ROBO2: variants seen among roughly 807,000 people sequenced by gnomAD.
The protein encoded by ROBO2 is roundabout homolog 2.
A neutral mutation model predicts 160.8 loss-of-function variants in ROBO2; 53 were observed. The observed-to-expected ratio is 0.33, with a 90% confidence interval of 0.26 to 0.41. The LOEUF is 0.41. Ranked by LOEUF, ROBO2 falls within the 10% of genes least tolerant of loss-of-function variation. The pLI is 1.00. For missense variants in ROBO2, 1,577 were observed against 1,722.4 expected, an observed-to-expected ratio of 0.92 and a Z score of 1.49; for synonymous variants, 664 against 611.7, an observed-to-expected ratio of 1.09 and a Z score of -1.26.
intron 2 of ROBO2, among the ~76,000 whole-genome samples, chr3:75,953,366 A>G (rs531570406): frequency 2.6e-5 from 4 of 151,952 alleles, no homozygotes; most frequent in Non-Finnish European, 4.4e-5. Context: ...CATGACTAGT[A>G]ACTTCAATAT....
At chr3:76,264,691 A>G (rs1281120704) in intron 2 of ROBO2, among the ~76,000 whole-genome samples, 1 of 152,128 alleles carries the variant, frequency 6.6e-6, no homozygotes, top group Non-Finnish European at 1.5e-5. Flanking sequence ...AAACCTAAAG[A>G]TGATATTTTA....
chr3:76,833,329 G>A (rs11711033), intron 2 of ROBO2, among the ~76,000 whole-genome samples: 19,417 of 152,066 alleles, frequency 0.13, 1,397 homozygotes, highest in East Asian at 0.24. Context: ...CATCACATGC[G>A]TAGCCCCCAA....
chr3:76,908,943 C>T (rs577523624), intron 2 of ROBO2, among the ~76,000 whole-genome samples: 4 of 152,124 alleles, frequency 2.6e-5, no homozygotes, highest in Non-Finnish European at 5.9e-5. Context: ...AAAACAATTT[C>T]TAGTTTAGGT....
At chr3:77,370,316 T>A (rs1352922253) in intron 2 of ROBO2, among the ~76,000 whole-genome samples, 2 of 152,182 alleles carry the variant, frequency 1.3e-5, no homozygotes, top group Non-Finnish European at 1.5e-5. Flanking sequence ...TTTTGATACA[T>A]CTCACCTTAC....
intron 2 of ROBO2, among the ~76,000 whole-genome samples, chr3:76,792,268 T>C (rs1233361712): frequency 2.0e-5 from 3 of 151,892 alleles, no homozygotes; most frequent in African/African-American, 4.8e-5. Flanking sequence ...GTTTGCAACA[T>C]AGAAATATTT....
chr3:76,141,135 CTCTCTCTCTCTCTCTCTCTCTCTCTATA>C (rs2071630950), intron 2 of ROBO2, among the ~76,000 whole-genome samples: 1 of 55,214 alleles, frequency 1.8e-5, no homozygotes, highest in African/African-American at 7.6e-5. Context: ...CTCTCTCTCT[CTCTCTCTCTCTCTCTCTCTCTCTCTATA>C]TATATATATA....
rs75259322 is a variant in ROBO2 at position 76,649,277 on chromosome 3, G to A, written c.110-448737G>A. Among the ~76,000 whole-genome samples the A allele has an allele frequency of 3.1e-3, 469 of 152,162 alleles. 15 individuals are homozygous for A. The East Asian group carries it at 0.08, about 26-fold the overall frequency. On this transcript the variant is annotated intron_variant, in intron 2 of 26. Transcript: ENST00000487694. ...TGAATTAGCCATGTTCAGAAACTGC[G>A]TTTCTTTGGGCCAGCAGAGTGCTAT...
At chr3:76,385,247 C>T (rs528947026) in intron 2 of ROBO2, among the ~76,000 whole-genome samples, 5 of 152,262 alleles carry the variant, frequency 3.3e-5, no homozygotes, top group South Asian at 2.1e-4. Flanking sequence ...CACCCACCTT[C>T]GTCTTCCATG....
At chr3:76,611,987 C>T (rs1401272143) in intron 2 of ROBO2, among the ~76,000 whole-genome samples, 1 of 152,026 alleles carries the variant, frequency 6.6e-6, no homozygotes, top group Non-Finnish European at 1.5e-5. Context: ...AAAAAATTTC[C>T]TAATTTCCTT....
intron 2 of ROBO2, among the ~76,000 whole-genome samples, chr3:76,446,211 T>G (rs1355033624): frequency 2.0e-5 from 3 of 152,122 alleles, no homozygotes; most frequent in Non-Finnish European, 4.4e-5. Flanking sequence ...ACAAAATCAA[T>G]GTGCAAAAAT....
chr3:77,000,255 G>T (rs539538242), intron 2 of ROBO2, among the ~76,000 whole-genome samples: 3 of 152,116 alleles, frequency 2.0e-5, no homozygotes, highest in African/African-American at 7.2e-5. Flanking sequence ...AGTGATTCCC[G>T]TATATCTGCA....
intron 2 of ROBO2, among the ~76,000 whole-genome samples, chr3:77,257,176 T>G (rs1353264887): frequency 6.6e-6 from 1 of 152,196 alleles, no homozygotes; most frequent in Non-Finnish European, 1.5e-5. Context: ...GATCACCAGC[T>G]TCTGTCTTAT....
At chr3:76,742,197 G>C (rs780982657) in intron 2 of ROBO2, among the ~76,000 whole-genome samples, 4 of 150,382 alleles carry the variant, frequency 2.7e-5, no homozygotes, top group South Asian at 4.2e-4. Context: ...CAAAGATAAA[G>C]ATGTTCTACA....
At chr3:76,175,081 C>T (rs1414262936) in intron 2 of ROBO2, among the ~76,000 whole-genome samples, 1 of 151,940 alleles carries the variant, frequency 6.6e-6, no homozygotes, top group Non-Finnish European at 1.5e-5. Context: ...TCCTTCATGT[C>T]CCTTGTAAGT....
intron 2 of ROBO2, among the ~76,000 whole-genome samples, chr3:76,704,963 A>G (rs1197008521): frequency 1.3e-5 from 2 of 152,152 alleles, no homozygotes; most frequent in East Asian, 1.9e-4. Context: ...TACTCTAACC[A>G]GGGGCCTGTG....
chr3:76,263,146 T>G (rs187631318), intron 2 of ROBO2, among the ~76,000 whole-genome samples: 1 of 152,128 alleles, frequency 6.6e-6, no homozygotes, highest in Non-Finnish European at 1.5e-5. Context: ...TTAACTGTAA[T>G]ACTAAAGTGC....
chr3:77,155,349 A>G (rs1455636168), intron 2 of ROBO2, among the ~76,000 whole-genome samples: 1 of 152,070 alleles, frequency 6.6e-6, no homozygotes, highest in Non-Finnish European at 1.5e-5. Flanking sequence ...GAGAGTCCCT[A>G]AAATTGAAAG....
intron 2 of ROBO2, among the ~76,000 whole-genome samples, chr3:76,150,644 C>T (rs1215074328): frequency 1.3e-5 from 2 of 152,150 alleles, no homozygotes; most frequent in Non-Finnish European, 2.9e-5. Flanking sequence ...TCTTACTTTC[C>T]TTAATATTCA....
chr3:77,221,475 G>A (rs2085782884), intron 2 of ROBO2, among the ~76,000 whole-genome samples: 2 of 152,130 alleles, frequency 1.3e-5, no homozygotes, highest in South Asian at 4.1e-4. Context: ...TTGGGATTCA[G>A]GCTCAATCCA....
Sources: gnomAD v4.1 joint callset for allele counts (sites outside exome capture counted in the v4.1 genomes callset) on GRCh38, gnomAD v4.1.1 for gene constraint, MANE v1.5 for transcripts, NCBI Gene and HGNC (gene_info 2026-07-23, HGNC 2026-07-21) for gene names.